RNLS: variants seen among roughly 807,000 people sequenced by gnomAD.
RNLS encodes renalase.
Under a neutral mutation model 39.8 loss-of-function variants are expected in RNLS, and 39 were observed. The observed-to-expected ratio is 0.98, with a 90% CI of 0.76 to 1.28. The LOEUF (loss-of-function observed/expected upper bound fraction) is 1.28. Ranked by LOEUF, RNLS falls within the 50% of genes most tolerant of loss-of-function variation. RNLS has a pLI of 0.00. For missense variants in RNLS, 410 were observed against 413.3 expected (o/e 0.99, Z 0.07); for synonymous variants, 147 against 150.7 (o/e 0.98, Z 0.18).
chr10:88,582,162 C>G, intron 2 of RNLS, 40 bp downstream of exon 2: 4 of 1,493,986 alleles, frequency 2.7e-6, no homozygotes, highest in Non-Finnish European at 2.8e-6. Context: ...TGACATCACA[C>G]AACTGCTAAG....
At chr10:88,365,942 C>T (rs1243680937) in intron 4 of RNLS, among the ~76,000 whole-genome samples, 2 of 152,068 alleles carry the variant, frequency 1.3e-5, no homozygotes, top group Non-Finnish European at 2.9e-5. Context: ...ATATTCTGCC[C>T]ATTTTCTACA....
chr10:88,382,408 G>T (rs1851593399), intron 4 of RNLS, among the ~76,000 whole-genome samples: 1 of 151,958 alleles, frequency 6.6e-6, no homozygotes, highest in South Asian at 2.1e-4. Context: ...AATAGTCATA[G>T]AAATAAAAAA....
At chr10:88,462,426 C>T (rs1439108639) in intron 4 of RNLS, among the ~76,000 whole-genome samples, 1 of 151,944 alleles carries the variant, frequency 6.6e-6, no homozygotes, top group East Asian at 1.9e-4. Context: ...AAATTATCTG[C>T]CTCCATCAAC....
chr10:88,515,513 G>C (rs929797762), intron 4 of RNLS, among the ~76,000 whole-genome samples: 10 of 152,020 alleles, frequency 6.6e-5, no homozygotes, highest in African/African-American at 2.4e-4. Context: ...TACAGCAAAG[G>C]CTTTCCTTAA....
intron 4 of RNLS, among the ~76,000 whole-genome samples, chr10:88,370,055 A>C (rs945529293): frequency 2.0e-5 from 3 of 152,138 alleles, no homozygotes; most frequent in Non-Finnish European, 4.4e-5. Context: ...GACTGAAACA[A>C]TATTTAACTA....
rs1590043447 is a variant in RNLS, at chr10:88,572,774, T to C, written c.526+129A>G. On this transcript the variant is annotated intron_variant, in intron 4 of 6. Coordinates refer to ENST00000331772, the MANE Select transcript of RNLS (RefSeq NM_001031709.3). The stretch of plus-strand genomic sequence containing the variant: ...AATATCATGACGACGGCCGTAAGTA[T>C]CAGTTTTTAAGACAGGCAAATCAAT... 3 of 900,318 alleles carry C rather than the reference T, an allele frequency of 3.3e-6. No individual in the cohort carries two copies. The East Asian group carries it at 8.0e-5, about 24-fold the overall frequency. 55.8% of individuals were successfully genotyped at this position (900,318 alleles called of 1,614,324 possible). A position where few individuals can be genotyped will look rare whatever the true frequency, so the allele number is the denominator to read the frequency against.
At chr10:88,283,403 C>G (rs143500856), downstream of RNLS, among the ~76,000 whole-genome samples, 8 of 152,196 alleles carry the variant, frequency 5.3e-5, no homozygotes, top group East Asian at 1.4e-3. Context: ...CCCATCCCAG[C>G]TTTACAAATT....
intron 5 of RNLS, among the ~76,000 whole-genome samples, chr10:88,318,924 C>G (rs1187807487): frequency 6.6e-6 from 1 of 152,110 alleles, no homozygotes; most frequent in Non-Finnish European, 1.5e-5. Context: ...CAGGTGCTTC[C>G]GCTCATCATC....
At chr10:88,402,717 A>G (rs1469302904) in intron 4 of RNLS, among the ~76,000 whole-genome samples, 1 of 152,002 alleles carries the variant, frequency 6.6e-6, no homozygotes, top group East Asian at 1.9e-4. Flanking sequence ...AATGTTCTAG[A>G]AAATTCTATC....
At chr10:88,315,716 G>A (rs1239905923) in intron 5 of RNLS, among the ~76,000 whole-genome samples, 3 of 146,766 alleles carry the variant, frequency 2.0e-5, no homozygotes, top group African/African-American at 5.0e-5. Flanking sequence ...CTATGTGCCC[G>A]CTTAACCTCT....
chr10:88,569,499 G>T (rs184718420), intron 4 of RNLS, among the ~76,000 whole-genome samples: 6 of 152,212 alleles, frequency 3.9e-5, no homozygotes, highest in Admixed American at 2.0e-4. Flanking sequence ...CATGATTCAG[G>T]ACACCCTTCT....
chr10:88,384,583 A>T (rs889668965), intron 4 of RNLS, among the ~76,000 whole-genome samples: 1 of 152,242 alleles, frequency 6.6e-6, no homozygotes, highest in African/African-American at 2.4e-5. Flanking sequence ...TACTGACTAT[A>T]TCATAGGGTT....
intron 4 of RNLS, among the ~76,000 whole-genome samples, chr10:88,472,504 G>C (rs1414684109): frequency 1.3e-5 from 2 of 152,110 alleles, no homozygotes; most frequent in Admixed American, 1.3e-4. Flanking sequence ...GACTTCAAGA[G>C]TTGCCGAAAA....
chr10:88,340,967 G>T (rs1372322699), intron 5 of RNLS, among the ~76,000 whole-genome samples: 7 of 151,052 alleles, frequency 4.6e-5, no homozygotes, highest in African/African-American at 1.7e-4. Context: ...GCTGAGGCAG[G>T]AGAATCGCTT....
At chr10:88,224,237 C>G in the RNLS span, among the ~76,000 whole-genome samples, 1 of 152,140 alleles carries the variant, frequency 6.6e-6, no homozygotes, top group African/African-American at 2.4e-5. Context: ...TGAGGGCTCT[C>G]TGCTTCACAG....
In RNLS at chr10:88,361,972, C is replaced by T. The variant is rs558666667; in HGVS notation, c.700+580G>A. On this transcript the variant is annotated intron_variant, in intron 5 of 6. Coordinates refer to ENST00000331772, the MANE Select transcript of RNLS (RefSeq NM_001031709.3). The stretch of plus-strand genomic sequence containing the variant: ...ATCTAATTTTTATAACTATCTTCAA[C>T]AAAAAGGGTGGAGTGTAGATTCACC... Among the ~76,000 whole-genome samples the T allele has an allele frequency of 5.9e-5, 9 of 152,194 alleles. No homozygotes were observed. In the East Asian group the frequency reaches 1.7e-3, roughly 29 times the overall value.
At chr10:88,173,014 G>A in the RNLS span, among the ~76,000 whole-genome samples, 11 of 151,024 alleles carry the variant, frequency 7.3e-5, no homozygotes, top group East Asian at 1.9e-4. Context: ...CCACCACCAC[G>A]CCCAGCCAAT....
the RNLS span, among the ~76,000 whole-genome samples, chr10:88,192,094 A>T: frequency 1.3e-5 from 2 of 152,038 alleles, no homozygotes; most frequent in Non-Finnish European, 2.9e-5. Context: ...TCAACAAAAG[A>T]GACAGATTAT....
At chr10:88,356,555 T>G (rs2133333091) in intron 5 of RNLS, among the ~76,000 whole-genome samples, 1 of 152,362 alleles carries the variant, frequency 6.6e-6, no homozygotes, top group Middle Eastern at 3.4e-3. Context: ...AATAGCCATA[T>G]GGAATAACAC....
Sources: allele counts gnomAD v4.1 joint callset (sites outside exome capture counted in the v4.1 genomes callset), GRCh38; gene constraint gnomAD v4.1.1; transcripts MANE v1.5; gene names NCBI Gene and HGNC (gene_info 2026-07-23, HGNC 2026-07-21).